NOL4: variants seen among roughly 807,000 people sequenced by gnomAD.
NOL4 encodes the protein cancer/testis antigen 125.
Under a neutral mutation model 75.9 loss-of-function variants are expected in NOL4, and 17 were observed. The observed-to-expected ratio is 0.22, with a 90% CI of 0.15 to 0.34. The LOEUF (loss-of-function observed/expected upper bound fraction) is 0.34, where lower values mean the gene tolerates loss of function less well. Among genes scored for constraint, NOL4 ranks in the 10% least tolerant of loss-of-function variants. The pLI, the probability that NOL4 is intolerant of heterozygous loss-of-function variation, is 1.00. For synonymous variants in NOL4, 292 were observed against 289.9 expected, an observed-to-expected ratio of 1.01 and a Z score of -0.07; for missense variants, 614 against 793.5, an observed-to-expected ratio of 0.77 and a Z score of 2.72.
intron 9 of NOL4, among the ~76,000 whole-genome samples, chr18:33,913,993 T>C (rs2066561735): frequency 6.6e-6 from 1 of 152,158 alleles, no homozygotes. Flanking sequence ...AGAATAAACA[T>C]AGCACGAAGT....
chr18:34,169,979 C>T (rs2032856126), intron 1 of NOL4, among the ~76,000 whole-genome samples: 1 of 152,088 alleles, frequency 6.6e-6, no homozygotes, highest in Non-Finnish European at 1.5e-5. Context: ...TGTTCTGTTT[C>T]TTCCATTTAA....
At chr18:34,142,185 G>A (rs1471635524) in intron 1 of NOL4, among the ~76,000 whole-genome samples, 5 of 152,256 alleles carry the variant, frequency 3.3e-5, no homozygotes, top group East Asian at 1.9e-4. Context: ...GAAACAACAG[G>A]TGCTGGAGAG....
At chr18:34,068,660 G>A (rs2077383389) in intron 5 of NOL4, among the ~76,000 whole-genome samples, 1 of 152,084 alleles carries the variant, frequency 6.6e-6, no homozygotes, top group African/African-American at 2.4e-5. Context: ...GCCTCCCAAA[G>A]TGCTGGGATT....
At chr18:34,191,302 A>G (rs1305559007) in intron 1 of NOL4, among the ~76,000 whole-genome samples, 1 of 152,178 alleles carries the variant, frequency 6.6e-6, no homozygotes, top group African/African-American at 2.4e-5. Context: ...ACACTATACT[A>G]TATAAAATAC....
rs536073639 is a variant in NOL4 at position 33,859,656 on chromosome 18, C to T, written c.1724-6621G>A. 4.7e-3 allele frequency among the ~76,000 whole-genome samples: 713 copies of T among 152,274 alleles called. 4 individuals are homozygous for T. The highest frequency in any genetic ancestry group is 0.015 in the African/African-American group (604 of 41,566). On this transcript the variant is annotated intron_variant, in intron 10 of 10. Coordinates refer to ENST00000261592, the MANE Select transcript of NOL4 (RefSeq NM_003787.5). ...ACCAGAGGCCAGGCATAGTGGCTTA[C>T]GCCTATAATCCTAGCACTTTGGGAG...
At chr18:33,902,835 T>C (rs539679978) in intron 9 of NOL4, among the ~76,000 whole-genome samples, 1 of 152,288 alleles carries the variant, frequency 6.6e-6, no homozygotes, top group African/African-American at 2.4e-5. Context: ...GTTATATTTA[T>C]AGGTTTTTAA....
intron 9 of NOL4, among the ~76,000 whole-genome samples, chr18:33,941,151 A>G (rs1249060327): frequency 6.6e-6 from 1 of 152,000 alleles, no homozygotes; most frequent in East Asian, 1.9e-4. Context: ...ATTGACTTAT[A>G]AAATCCTCAC....
intron 5 of NOL4, among the ~76,000 whole-genome samples, chr18:34,055,473 G>T (rs1252402651): frequency 1.3e-5 from 2 of 152,066 alleles, no homozygotes; most frequent in Non-Finnish European, 2.9e-5. Context: ...GAAATTATCT[G>T]ATAATCTTAT....
chr18:34,169,075 A>G (rs2032743046), intron 1 of NOL4, among the ~76,000 whole-genome samples: 1 of 151,988 alleles, frequency 6.6e-6, no homozygotes, highest in Non-Finnish European at 1.5e-5. Flanking sequence ...ATGTCTTTCA[A>G]GCAGAATAAA....
At chr18:34,024,862 C>T (rs189883969) in intron 5 of NOL4, among the ~76,000 whole-genome samples, 1 of 152,232 alleles carries the variant, frequency 6.6e-6, no homozygotes, top group African/African-American at 2.4e-5. Flanking sequence ...ACCTCTAACA[C>T]AATAAAGGCT....
chr18:33,898,035 A>G (rs1314477195), intron 9 of NOL4, among the ~76,000 whole-genome samples: 1 of 152,052 alleles, frequency 6.6e-6, no homozygotes, highest in African/African-American at 2.4e-5. Context: ...AGCCTCCTGA[A>G]TAGATGGGAT....
At chr18:34,140,701 T>A (rs1200532065) in intron 1 of NOL4, among the ~76,000 whole-genome samples, 1 of 152,184 alleles carries the variant, frequency 6.6e-6, no homozygotes, top group Non-Finnish European at 1.5e-5. Flanking sequence ...TCTTGTTATG[T>A]GTGAATTTGA....
chr18:34,167,559 G>GATAGATAGATAT (rs1182819215), intron 1 of NOL4, among the ~76,000 whole-genome samples: 7 of 152,026 alleles, frequency 4.6e-5, no homozygotes, highest in African/African-American at 1.7e-4. Context: ...TAGATAGATA[G>GATAGATAGATAT]ATAGACAGAC....
chr18:33,855,628 G>A (rs369018982), intron 10 of NOL4, among the ~76,000 whole-genome samples: 1 of 152,028 alleles, frequency 6.6e-6, no homozygotes, highest in African/African-American at 2.4e-5. Context: ...AAAGTGATGC[G>A]AACCTGCTTT....
In NOL4 at chr18:34,205,697, A is replaced by C. The variant is rs766414497; in HGVS notation, c.264+17293T>G. On this transcript the variant is annotated intron_variant, in intron 1 of 10. Transcript: ENST00000261592. ...ATGTCAGAAGCAAATTGTATGGGAAAATGTGTATATAAGCAGTTGCCAAGG... is the reference window on the plus strand; with the variant it reads ...ATGTCAGAAGCAAATTGTATGGGAACATGTGTATATAAGCAGTTGCCAAGG... Among the ~76,000 whole-genome samples, 38 of 152,232 alleles carry C rather than the reference A, an allele frequency of 2.5e-4. 1 individual carries two copies. Among genetic ancestry groups the C allele is most frequent in the Non-Finnish European group, 4.4e-4 (30 of 67,996 alleles).
chr18:34,148,911 T>A (rs767934059), intron 1 of NOL4, among the ~76,000 whole-genome samples: 2 of 151,950 alleles, frequency 1.3e-5, no homozygotes, highest in Non-Finnish European at 2.9e-5. Flanking sequence ...TGGGTGCATA[T>A]ATATTTAGGA....
chr18:34,076,824 A>G (rs1385966137), intron 5 of NOL4, among the ~76,000 whole-genome samples: 1 of 152,218 alleles, frequency 6.6e-6, no homozygotes, highest in Non-Finnish European at 1.5e-5. Flanking sequence ...TTTCTACAAA[A>G]TCGTTGCTAG....
At chr18:33,978,186 T>C (rs1263821271) in intron 6 of NOL4, among the ~76,000 whole-genome samples, 1 of 152,208 alleles carries the variant, frequency 6.6e-6, no homozygotes, top group Non-Finnish European at 1.5e-5. Flanking sequence ...TCTCTTTATA[T>C]TTTCTTATTC....
At chr18:33,999,275 G>A (rs1261166794) in intron 6 of NOL4, among the ~76,000 whole-genome samples, 1 of 151,480 alleles carries the variant, frequency 6.6e-6, no homozygotes, top group Non-Finnish European at 1.5e-5. Flanking sequence ...TGCCTCTTGA[G>A]TAGCTGGGAC....
Sources: allele counts gnomAD v4.1 joint callset (sites outside exome capture counted in the v4.1 genomes callset), GRCh38; gene constraint gnomAD v4.1.1; transcripts MANE v1.5; gene names NCBI Gene and HGNC (gene_info 2026-07-23, HGNC 2026-07-21).